Variants in LACC1 observed in about 807,000 individuals in gnomAD.
The protein encoded by LACC1 is purine nucleoside phosphorylase LACC1.
Under a neutral mutation model 34.8 loss-of-function variants are expected in LACC1, and 25 were observed. The observed-to-expected ratio is 0.72, with a 90% confidence interval of 0.52 to 1.00. LACC1 has a LOEUF of 1.00. Ranked by LOEUF, LACC1 falls within the 50% of genes least tolerant of loss-of-function variation. LACC1 has a pLI of 0.00. For synonymous variants in LACC1, 162 were observed against 168.0 expected, an observed-to-expected ratio of 0.96 and a Z score of 0.28; for missense variants, 426 against 511.2, an observed-to-expected ratio of 0.83 and a Z score of 1.61.
At position 43,880,974 on chromosome 13, in the gene LACC1, A is replaced by G. The variant is rs1188610354; in HGVS notation, c.-12A>G. 1 of 1,599,468 alleles carries G rather than the reference A, an allele frequency of 6.3e-7. No individual in the cohort carries two copies. The highest frequency in any genetic ancestry group is 8.5e-7 in the Non-Finnish European group (1 of 1,172,572). On this transcript the variant is annotated 5_prime_UTR_variant, in exon 2 of 7. Transcript: ENST00000325686. ...CAGGTGATTTATTTGGCATAAAAGT[A>G]TTCTTTCAAGGATGGCAGAAGCTGT...
rs1423121549 is a variant in LACC1 at position 43,881,465 on chromosome 13, T to A, written c.480T>A (p.Ile160=). 6.2e-7 allele frequency: 1 copy of A among 1,613,924 alleles called. No individual in the cohort carries two copies. Among genetic ancestry groups the A allele is most frequent in the Non-Finnish European group, 8.5e-7 (1 of 1,179,966 alleles). ...TCACAGCTCAAGAACTAAGAGGAATTCAGAATGAAATAGAAACATTTTTGA... is the reference window on the plus strand; with the variant it reads ...TCACAGCTCAAGAACTAAGAGGAATACAGAATGAAATAGAAACATTTTTGA... ...NVITAQELRG[I]QNEIETFLRS... is the part of the protein sequence containing the mutation. The change falls in exon 2 of 7, where the codon ATT becomes ATA. Residue 160 remains isoleucine, a synonymous_variant. Transcript: ENST00000325686.
chr13:43,881,729 A>G (rs1234980941), intron 2 of LACC1, among the ~76,000 whole-genome samples, 182 bp downstream of exon 2: 5 of 152,208 alleles, frequency 3.3e-5, no homozygotes, highest in African/African-American at 1.2e-4. Flanking sequence ...GTGTCAAGGG[A>G]TAAAGCCTTC....
Position 43,882,231 on chromosome 13 carries a change from T to C in LACC1, c.609T>C (p.Tyr203=), listed in dbSNP as rs773071358. ...GFTTRTGGIS[Y]IPTLSSFNLF... ...CTACAAGAACAGGTGGGATATCTTA[T>C]ATACCAACTCTTAGCTCATTCAATC... The change falls in exon 3 of 7, where the codon TAT becomes TAC. Residue 203 remains tyrosine, a synonymous_variant. Transcript: ENST00000325686. 22 of 1,612,442 alleles carry C rather than the reference T, an allele frequency of 1.4e-5. No homozygotes were observed. Among genetic ancestry groups the C allele is most frequent in the Non-Finnish European group, 1.8e-5 (21 of 1,179,220 alleles).
rs1319245726 is a variant in LACC1, at chr13:43,892,100, C to G, written c.*653C>G. 6.6e-6 allele frequency: 1 copy of G among 150,446 alleles called. No individual in the cohort carries two copies. The highest frequency in any genetic ancestry group is 1.5e-5 in the Non-Finnish European group (1 of 67,716). The allele number at this position is 150,446 out of a possible 1,614,324, so 9.3% of individuals were successfully genotyped here. A position where few individuals can be genotyped will look rare whatever the true frequency, so the allele number is the denominator to read the frequency against. ...TGGGCATGAGTTAGGGCTGGAAAAA[C>G]AGGTTGGAAACAGATAAGTAAGGGT... On this transcript the variant is annotated 3_prime_UTR_variant, in exon 7 of 7. Coordinates refer to ENST00000325686, the MANE Select transcript of LACC1 (RefSeq NM_153218.4).
In LACC1 at chr13:43,881,030, CT is replaced by C; in HGVS notation, c.46del (p.Ser16LeufsTer10). 1 of 1,613,984 alleles carries C rather than the reference CT, an allele frequency of 6.2e-7. No homozygotes were observed. Among genetic ancestry groups the C allele is most frequent in the Non-Finnish European group, 8.5e-7 (1 of 1,179,958 alleles). ...LIDLFGLKLN[S>X]QKNCHQTLLK... ...TTGATCTTTTTGGTTTGAAATTGAA[CT>C]CTCAAAAAAACTGCCATCAGACATT... On this transcript the variant is annotated frameshift_variant, in exon 2 of 7. Coordinates refer to ENST00000325686, the MANE Select transcript of LACC1 (RefSeq NM_153218.4). LOFTEE classifies it high-confidence loss of function.
chr13:43,881,454 C>A lies in LACC1; in HGVS notation c.469C>A (p.Leu157Ile). 1.9e-6 allele frequency: 3 copies of A among 1,613,908 alleles called. No individual in the cohort carries two copies. Among genetic ancestry groups the A allele is most frequent in the South Asian group, 2.2e-5 (2 of 91,070 alleles). ...IEINVITAQELRGIQNEIETF... is the reference protein window; with the variant it reads ...IEINVITAQEIRGIQNEIETF... ...AATAAACGTAATCACAGCTCAAGAA[C>A]TAAGAGGAATTCAGAATGAAATAGA... The change falls in exon 2 of 7, where the codon CTA becomes ATA. Residue 157 changes from leucine to isoleucine, a missense_variant. This residue lies in a region of LACC1 where 217 missense variants were observed against 210.9 expected (regional missense o/e 1.03). Transcript: ENST00000325686.
intron 6 of LACC1, among the ~76,000 whole-genome samples, chr13:43,890,936 C>T (rs1004545336): frequency 1.3e-5 from 2 of 152,170 alleles, no homozygotes; most frequent in South Asian, 2.1e-4. Context: ...TGAATATGTC[C>T]GTGTTCCAAT....
intron 4 of LACC1, among the ~76,000 whole-genome samples, chr13:43,887,465 G>A (rs1027567125): frequency 3.3e-5 from 5 of 152,110 alleles, no homozygotes; most frequent in Admixed American, 3.3e-4. Context: ...TCTGTCTTTG[G>A]CAACAAGAAG....
intron 6 of LACC1, among the ~76,000 whole-genome samples, chr13:43,890,838 C>T (rs1259663900): frequency 1.3e-5 from 2 of 152,148 alleles, no homozygotes; most frequent in Non-Finnish European, 2.9e-5. Flanking sequence ...GTAGTTTAGA[C>T]TTTGTGGGAC....
At chr13:43,883,686 A>T (rs1452759839) in intron 3 of LACC1, 85 bp from the exon 4 acceptor site, 64 of 990,224 alleles carry the variant, frequency 6.5e-5, no homozygotes, top group Non-Finnish European at 8.2e-5. Flanking sequence ...ATATAATTTT[A>T]TACTACAATG....
In LACC1 at chr13:43,888,773, G is replaced by A; in HGVS notation, c.924G>A (p.Leu308=). 1 of 1,613,604 alleles carries A rather than the reference G, an allele frequency of 6.2e-7. No homozygotes were observed. Among genetic ancestry groups the A allele is most frequent in the Non-Finnish European group, 8.5e-7 (1 of 1,179,642 alleles). The change falls in exon 5 of 7, where the codon TTG becomes TTA. Residue 308 remains leucine, a synonymous_variant. Transcript: ENST00000325686. ...GVAHAGWKGT[L]LGVAMATVNA... Reference sequence around the variant, plus strand: ...ATTTACCAGGTTGGAAAGGTACTTTGTTGGGTGTTGCTATGGCTACAGTGA... The same window carrying A: ...ATTTACCAGGTTGGAAAGGTACTTTATTGGGTGTTGCTATGGCTACAGTGA...
At chr13:43,889,321 A>C (rs1566970098) in intron 5 of LACC1, among the ~76,000 whole-genome samples, 1 of 152,218 alleles carries the variant, frequency 6.6e-6, no homozygotes, top group Non-Finnish European at 1.5e-5. Context: ...TCCTAAATGT[A>C]ATGAACTATC....
rs1328011687 is a variant in LACC1, at chr13:43,893,302, T to G, written c.*1855T>G. 6.6e-6 allele frequency: 1 copy of G among 152,048 alleles called. No homozygotes were observed. Among genetic ancestry groups the G allele is most frequent in the Non-Finnish European group, 1.5e-5 (1 of 67,894 alleles). 9.4% of individuals were successfully genotyped at this position (152,048 alleles called of 1,614,324 possible). A position where few individuals can be genotyped will look rare whatever the true frequency, so the allele number is the denominator to read the frequency against. ...ATCCCTTTTATTCAGCTGAGAAAAC[T>G]GAGCTTCATTGAGGTGGAGGTCAAA... On this transcript the variant is annotated 3_prime_UTR_variant, in exon 7 of 7. Transcript: ENST00000325686.
intron 4 of LACC1, among the ~76,000 whole-genome samples, chr13:43,888,280 G>T (rs1955421105): frequency 6.6e-6 from 1 of 152,128 alleles, no homozygotes. Flanking sequence ...AATGGTGATT[G>T]CCAGGGGCTG....
Position 43,890,218 on chromosome 13 carries a change from T to G in LACC1, c.1238T>G (p.Val413Gly). 1 of 1,613,902 alleles carries G rather than the reference T, an allele frequency of 6.2e-7. No individual in the cohort carries two copies. Among genetic ancestry groups the G allele is most frequent in the South Asian group, 1.1e-5 (1 of 91,058 alleles). Residue 413 changes from valine to glycine, a missense_variant, in exon 6 of 7, where the codon GTC (valine) becomes GGC (glycine). Physicochemically the swap from Val to Gly is moderately radical, Grantham distance 109 (BLOSUM62 -3). Transcript: ENST00000325686. ...CATCCTGACAAGTTTTTCTCCCATG[T>G]CCGAGATGGCCTTAATTTTGGTACA... ...SCHPDKFFSH[V>G]RDGLNFGTQI... is the part of the protein sequence containing the mutation.
chr13:43,880,808 G>A lies in LACC1; in HGVS notation c.-34-144G>A, dbSNP rs1594882352. On this transcript the variant is annotated intron_variant, in intron 1 of 6. Coordinates refer to ENST00000325686, the MANE Select transcript of LACC1 (RefSeq NM_153218.4). ...GGTTCTGTTGTGACAGAGTAGACTG[G>A]CTTTTCTGGGAGGGGCCTAGATTTA... 8.7e-6 allele frequency: 5 copies of A among 571,938 alleles called. 1 individual carries two copies. The highest frequency in any genetic ancestry group is 2.9e-5 in the East Asian group (1 of 34,148). 35.4% of individuals were successfully genotyped at this position (571,938 alleles called of 1,614,324 possible).
intron 4 of LACC1, among the ~76,000 whole-genome samples, chr13:43,886,086 TA>T (rs557877345): frequency 2.5e-3 from 386 of 152,172 alleles, no homozygotes; most frequent in African/African-American, 9.0e-3. Context: ...ATGGCTGTTA[TA>T]AAAAAAGTCA....
upstream of LACC1, chr13:43,879,769 G>GAGGCGGCGCGAGGTGGGCGAGGT (rs1566960725): frequency 7.6e-6 from 1 of 131,932 alleles, no homozygotes; most frequent in Non-Finnish European, 1.7e-5. Context: ...GTGGGCGAGG[G>GAGGCGGCGCGAGGTGGGCGAGGT]GGGCGAGGTG....
chr13:43,885,979 C>G (rs565567559), intron 4 of LACC1, among the ~76,000 whole-genome samples: 1 of 151,842 alleles, frequency 6.6e-6, no homozygotes, highest in Non-Finnish European at 1.5e-5. Context: ...AAGACTTACA[C>G]GTGGTCAACA....
Sources: allele counts gnomAD v4.1 joint callset (sites outside exome capture counted in the v4.1 genomes callset), GRCh38; gene constraint gnomAD v4.1.1; regional missense constraint gnomAD v4.1.1; transcripts MANE v1.5; gene names NCBI Gene and HGNC (gene_info 2026-07-23, HGNC 2026-07-21).